The following CD109 variants were observed in gnomAD, a reference collection of about 807,000 sequenced individuals.
The protein encoded by CD109 is CD109 antigen.
A neutral mutation model predicts 165.8 loss-of-function variants in CD109; 149 were observed. The observed-to-expected ratio is 0.90, with a 90% CI of 0.79 to 1.03. The LOEUF (loss-of-function observed/expected upper bound fraction) is 1.03, where lower values mean the gene tolerates loss of function less well. Ranked by LOEUF, CD109 falls within the 50% of genes least tolerant of loss-of-function variation. The pLI is 0.00. For missense variants in CD109, 1,712 were observed against 1,677.8 expected (o/e 1.02, Z -0.36); for synonymous variants, 585 against 592.1 (o/e 0.99, Z 0.18).
intron 20 of CD109, among the ~76,000 whole-genome samples, chr6:73,785,995 C>T (rs1483568289): frequency 1.3e-5 from 2 of 152,072 alleles, no homozygotes; most frequent in African/African-American, 4.8e-5. Flanking sequence ...AAGGGTGCAC[C>T]ACCACGCCCA....
At chr6:73,812,694 C>T (rs536151463) in intron 29 of CD109, among the ~76,000 whole-genome samples, 1 of 152,022 alleles carries the variant, frequency 6.6e-6, no homozygotes, top group South Asian at 2.1e-4. Flanking sequence ...ACAATTAAAG[C>T]ATAATTATGC....
intron 2 of CD109, among the ~76,000 whole-genome samples, chr6:73,698,069 A>T (rs979254520): frequency 2.4e-4 from 37 of 152,354 alleles, no homozygotes; most frequent in African/African-American, 8.2e-4. Context: ...GAAAAGCTAC[A>T]CAATAGTTAA....
chr6:73,762,198 T>A (rs1773662949), intron 7 of CD109, among the ~76,000 whole-genome samples, 186 bp from the exon 8 acceptor site: 1 of 152,146 alleles, frequency 6.6e-6, no homozygotes, highest in Non-Finnish European at 1.5e-5. Context: ...CCTGACCTCG[T>A]GATCCACCCG....
chr6:73,816,859 G>T (rs1412428074), intron 30 of CD109, among the ~76,000 whole-genome samples: 1 of 152,154 alleles, frequency 6.6e-6, no homozygotes, highest in Non-Finnish European at 1.5e-5. Flanking sequence ...ATGAGGTGGG[G>T]AACCAGAATT....
At position 73,766,986 on chromosome 6, in the gene CD109, A is replaced by G. The variant is rs1373819904; in HGVS notation, c.1473A>G (p.Lys491=). 4 of 1,613,644 alleles carry G rather than the reference A, an allele frequency of 2.5e-6. No individual in the cohort carries two copies. Among genetic ancestry groups the G allele is most frequent in the African/African-American group, 2.7e-5 (2 of 74,890 alleles). Residue 491 remains lysine, a synonymous_variant, in exon 13 of 33, where the codon AAA becomes AAG. Coordinates refer to ENST00000287097, the MANE Select transcript of CD109 (RefSeq NM_133493.5). The stretch of plus-strand genomic sequence containing the variant: ...TTGAGTTGGTGGTTAGTGGCAACAA[A>G]CGATTGAAGGAGTTAAGCTATATGG... The part of the protein sequence containing the change: ...SPFELVVSGN[K]RLKELSYMVV...
In CD109 at chr6:73,826,391, C is replaced by T. The variant is rs1353431330; in HGVS notation, c.*2758C>T. ...ATGAACTAAAGTCCCCCTTCTTTTC[C>T]ACTCACTGGGAACCTTAGTAAAACA... is the stretch of plus-strand genomic sequence containing the variant. On this transcript the variant is annotated 3_prime_UTR_variant, in exon 33 of 33. Coordinates refer to ENST00000287097, the MANE Select transcript of CD109 (RefSeq NM_133493.5). The T allele has an allele frequency of 6.6e-6, 1 of 152,132 alleles. No homozygotes were observed. The highest frequency in any genetic ancestry group is 1.5e-5 in the Non-Finnish European group (1 of 68,024). The allele number at this position is 152,132 out of a possible 1,614,324, so 9.4% of individuals were successfully genotyped here. A position where few individuals can be genotyped will look rare whatever the true frequency, so the allele number is the denominator to read the frequency against.
intron 2 of CD109, among the ~76,000 whole-genome samples, chr6:73,706,942 A>T (rs2150151436): frequency 6.6e-6 from 1 of 152,358 alleles, no homozygotes; most frequent in Admixed American, 6.5e-5. Context: ...TATAGATAAG[A>T]CAGGGAATTT....
intron 32 of CD109, among the ~76,000 whole-genome samples, chr6:73,820,953 C>T (rs1041701170): frequency 6.6e-6 from 1 of 152,058 alleles, no homozygotes; most frequent in African/African-American, 2.4e-5. Flanking sequence ...TAATGTGGCA[C>T]ATATACACCA....
chr6:73,703,721 T>C (rs892935993), intron 2 of CD109, among the ~76,000 whole-genome samples: 4 of 151,898 alleles, frequency 2.6e-5, no homozygotes, highest in Admixed American at 2.6e-4. Flanking sequence ...TTATTTTAGC[T>C]CAAGGTGGAG....
Position 73,702,925 on chromosome 6 carries a change from G to A in CD109, c.247+5353G>A, listed in dbSNP as rs528893829. 2.8e-4 allele frequency among the ~76,000 whole-genome samples: 43 copies of A among 152,226 alleles called. 2 individuals carry two copies. Among genetic ancestry groups the A allele is most frequent in the African/African-American group, 9.9e-4 (41 of 41,530 alleles). On this transcript the variant is annotated intron_variant, in intron 2 of 32. Coordinates refer to ENST00000287097, the MANE Select transcript of CD109 (RefSeq NM_133493.5). ...TCACCTATTGTGACAATCTTGAACC[G>A]GGAACTCTATAAAAGACACATCCCT...
intron 23 of CD109, among the ~76,000 whole-genome samples, chr6:73,794,743 C>G (rs1162205598): frequency 6.6e-6 from 1 of 152,102 alleles, no homozygotes; most frequent in Non-Finnish European, 1.5e-5. Flanking sequence ...AGATTAGGGC[C>G]AGACCATGCA....
chr6:73,802,302 TA>T (rs1393926864), intron 23 of CD109, among the ~76,000 whole-genome samples: 2 of 104,688 alleles, frequency 1.9e-5, no homozygotes, highest in African/African-American at 6.7e-5. Context: ...TATATATATA[TA>T]TATTTTTTTT....
chr6:73,718,434 G>GT (rs1286511692), intron 2 of CD109, among the ~76,000 whole-genome samples: 1 of 151,834 alleles, frequency 6.6e-6, no homozygotes, highest in African/African-American at 2.4e-5. Flanking sequence ...TCTATATGCA[G>GT]TTTTTTTGAG....
chr6:73,765,043 G>T (rs1166154998), intron 10 of CD109, among the ~76,000 whole-genome samples: 3 of 152,068 alleles, frequency 2.0e-5, no homozygotes, highest in African/African-American at 4.8e-5. Context: ...AGGCATGGGG[G>T]TTACTATGGG....
chr6:73,803,097 C>T (rs1775430321), intron 23 of CD109, 123 bp from the exon 24 acceptor site: 1 of 679,226 alleles, frequency 1.5e-6, no homozygotes, highest in Non-Finnish European at 2.6e-6. Context: ...AATATTAGCT[C>T]TTGGTTTGAT....
chr6:73,756,212 G>A (rs147826202), intron 5 of CD109, among the ~76,000 whole-genome samples: 60 of 152,162 alleles, frequency 3.9e-4, no homozygotes, highest in African/African-American at 1.4e-3. Flanking sequence ...TGAGTTATGT[G>A]TAACTTCATT....
At chr6:73,773,398 A>G (rs1774118848) in intron 15 of CD109, among the ~76,000 whole-genome samples, 1 of 151,888 alleles carries the variant, frequency 6.6e-6, no homozygotes. Flanking sequence ...TTGTTTTTCA[A>G]TCTAATCTAA....
chr6:73,708,626 G>T (rs948973814), intron 2 of CD109, among the ~76,000 whole-genome samples: 24 of 152,168 alleles, frequency 1.6e-4, no homozygotes, highest in African/African-American at 5.6e-4. Flanking sequence ...CAGTGTAAAA[G>T]TGTTCCTATT....
the CD109 span, among the ~76,000 whole-genome samples, chr6:73,688,761 G>GT: frequency 0.15 from 10,736 of 73,460 alleles, 2,812 homozygotes; most frequent in Non-Finnish European, 0.2. Context: ...GTTTTTCTTT[G>GT]TTTTTTTTTT....
Sources: allele counts gnomAD v4.1 joint callset (sites outside exome capture counted in the v4.1 genomes callset), GRCh38; gene constraint gnomAD v4.1.1; transcripts MANE v1.5; gene names NCBI Gene and HGNC (gene_info 2026-07-23, HGNC 2026-07-21).